The following CLVS1 variants were observed in gnomAD, a reference collection of about 807,000 sequenced individuals.
CLVS1 encodes the protein clavesin-1.
Under a neutral mutation model 33.1 loss-of-function variants are expected in CLVS1, and 10 were observed. The ratio of observed to expected loss-of-function variants is 0.30; its 90% confidence interval spans 0.19 to 0.51. The LOEUF (loss-of-function observed/expected upper bound fraction) is 0.51. Among genes scored for constraint, CLVS1 ranks in the 20% least tolerant of loss-of-function variants. The probability of loss-of-function intolerance (pLI) is 0.97; values close to 1 mark genes in which losing one functional copy is unlikely to be tolerated. For synonymous variants in CLVS1, 163 were observed against 166.1 expected (o/e 0.98, Z 0.14); for missense variants, 343 against 433.4 (o/e 0.79, Z 1.85).
rs1386544162 is a variant in CLVS1, at chr8:61,091,107, G to A, written c.-243+33877G>A. ...GATCTTGCCATGGGAGATTAGCCTGGGTTATCGAGGTGGGCCTGAGGTAAT... is the reference window on the plus strand; with the variant it reads ...GATCTTGCCATGGGAGATTAGCCTGAGTTATCGAGGTGGGCCTGAGGTAAT... On this transcript the variant is annotated intron_variant, in intron 1 of 2. Transcript: ENST00000522621. Among the ~76,000 whole-genome samples the A allele has an allele frequency of 1.3e-5, 2 of 152,166 alleles. 1 individual carries two copies. The highest frequency in any genetic ancestry group is 2.9e-5 in the Non-Finnish European group (2 of 68,024).
chr8:61,285,624 C>T (rs1809760771), upstream of CLVS1, among the ~76,000 whole-genome samples: 1 of 152,158 alleles, frequency 6.6e-6, no homozygotes, highest in Non-Finnish European at 1.5e-5. Flanking sequence ...CACTTCTGTA[C>T]TCCTTTAAAG....
At chr8:61,135,232 A>T (rs939288729) in intron 2 of CLVS1, among the ~76,000 whole-genome samples, 1 of 151,954 alleles carries the variant, frequency 6.6e-6, no homozygotes, top group African/African-American at 2.4e-5. Context: ...GTGACTACAC[A>T]TGGTGGTGGT....
rs892479233 is a variant in CLVS1 at position 61,500,234 on chromosome 8, T to C, written c.*692T>C. ...GAAGACACATGGACGTGAAATACGA[T>C]TATTTCATCTGAGCAATGTGAGTTA... On this transcript the variant is annotated 3_prime_UTR_variant, in exon 6 of 6. Transcript: ENST00000325897. The C allele has an allele frequency of 2.0e-5, 3 of 152,308 alleles. No individual in the cohort carries two copies. The highest frequency in any genetic ancestry group is 6.5e-5 in the Admixed American group (1 of 15,286). The allele number at this position is 152,308 out of a possible 1,614,324, so 9.4% of individuals were successfully genotyped here.
intron 2 of CLVS1, among the ~76,000 whole-genome samples, chr8:61,216,528 G>T (rs1305035898): frequency 6.6e-6 from 1 of 152,190 alleles, no homozygotes; most frequent in Non-Finnish European, 1.5e-5. Context: ...CTGTGCGTTT[G>T]AACAGAGAAG....
chr8:61,099,994 T>A (rs1805420451), intron 1 of CLVS1, among the ~76,000 whole-genome samples: 1 of 152,138 alleles, frequency 6.6e-6, no homozygotes, highest in Admixed American at 6.5e-5. Context: ...AATGCTAGAA[T>A]TAGGGACATT....
chr8:61,131,780 A>T (rs1200588320), exon 2 of CLVS1: 1 of 151,948 alleles, frequency 6.6e-6, no homozygotes, highest in Non-Finnish European at 1.5e-5. Context: ...GGCCTAATCA[A>T]GGGAATGGAA....
At chr8:61,020,096 A>G in the CLVS1 span, among the ~76,000 whole-genome samples, 1 of 152,226 alleles carries the variant, frequency 6.6e-6, no homozygotes, top group African/African-American at 2.4e-5. Context: ...CACTGCCTCT[A>G]TTTGGGAATG....
At chr8:61,311,934 G>A (rs965742271) in intron 2 of CLVS1, among the ~76,000 whole-genome samples, 8 of 152,206 alleles carry the variant, frequency 5.3e-5, no homozygotes, top group African/African-American at 1.7e-4. Context: ...GTAAAAGAGG[G>A]CATGTAGAAA....
At chr8:60,968,205 G>T in the CLVS1 span, among the ~76,000 whole-genome samples, 80,827 of 152,004 alleles carry the variant, frequency 0.53, 21,687 homozygotes, top group South Asian at 0.7. Flanking sequence ...TTGCGGGGCT[G>T]ATAGGTGTGA....
chr8:61,460,382 T>C (rs1414126378), intron 5 of CLVS1, among the ~76,000 whole-genome samples: 2 of 152,170 alleles, frequency 1.3e-5, no homozygotes, highest in Non-Finnish European at 2.9e-5. Flanking sequence ...ATTTAGTTTA[T>C]CCCTAAATAA....
intron 1 of CLVS1, among the ~76,000 whole-genome samples, chr8:61,121,128 C>T (rs1352572795): frequency 6.6e-6 from 1 of 151,710 alleles, no homozygotes; most frequent in Non-Finnish European, 1.5e-5. Flanking sequence ...TGGGAGTGAC[C>T]CGATTTTCCA....
chr8:61,046,248 C>T, the CLVS1 span, among the ~76,000 whole-genome samples: 1 of 147,924 alleles, frequency 6.8e-6, no homozygotes, highest in Admixed American at 6.7e-5. Flanking sequence ...AATAGGGAAT[C>T]CTTTCCCCAT....
the CLVS1 span, among the ~76,000 whole-genome samples, chr8:61,034,707 A>T: frequency 1.3e-5 from 2 of 152,228 alleles, no homozygotes; most frequent in African/African-American, 4.8e-5. Context: ...AACAACTTTG[A>T]GTAAAACTCT....
chr8:61,018,267 G>A, the CLVS1 span, among the ~76,000 whole-genome samples: 81 of 152,302 alleles, frequency 5.3e-4, no homozygotes, highest in African/African-American at 1.5e-3. Flanking sequence ...TCCAAATTTC[G>A]TGTTATTTTC....
At position 61,499,742 on chromosome 8, in the gene CLVS1, T is replaced by C. The variant is rs2445; in HGVS notation, c.*200T>C. 2 of 401,852 alleles carry C rather than the reference T, an allele frequency of 5.0e-6. No individual in the cohort carries two copies. Among genetic ancestry groups the C allele is most frequent in the African/African-American group, 4.0e-5 (2 of 50,378 alleles). The allele number at this position is 401,852 out of a possible 1,614,324, so 24.9% of individuals were successfully genotyped here. ...ACAAAGACTTGAGAGATGCTTTTTT[T>C]TTCCCCCAGTGAGGGGACTGGAGGA... On this transcript the variant is annotated 3_prime_UTR_variant, in exon 6 of 6. Coordinates refer to ENST00000325897, the MANE Select transcript of CLVS1 (RefSeq NM_173519.3).
At chr8:61,341,518 C>T (rs575235768) in intron 2 of CLVS1, among the ~76,000 whole-genome samples, 41 of 152,322 alleles carry the variant, frequency 2.7e-4, no homozygotes, top group African/African-American at 9.1e-4. Flanking sequence ...ATGTCCACTT[C>T]CTCAAACATC....
At chr8:61,378,771 C>G (rs1197472755) in intron 3 of CLVS1, among the ~76,000 whole-genome samples, 2 of 152,224 alleles carry the variant, frequency 1.3e-5, no homozygotes, top group African/African-American at 4.8e-5. Flanking sequence ...CTTAAAACTT[C>G]TCACTTCAGG....
At chr8:61,199,117 AT>A (rs1270098570) in intron 2 of CLVS1, among the ~76,000 whole-genome samples, 1 of 152,152 alleles carries the variant, frequency 6.6e-6, no homozygotes, top group African/African-American at 2.4e-5. Flanking sequence ...TGGTAGGCCT[AT>A]TTTTAGTTCT....
chr8:61,272,021 T>C (rs1809450803), intron 2 of CLVS1, among the ~76,000 whole-genome samples: 1 of 151,750 alleles, frequency 6.6e-6, no homozygotes, highest in Non-Finnish European at 1.5e-5. Flanking sequence ...TATGTGTGAA[T>C]TTGATCCTGT....
Sources: gnomAD v4.1 joint callset for allele counts (sites outside exome capture counted in the v4.1 genomes callset) on GRCh38, gnomAD v4.1.1 for gene constraint, MANE v1.5 for transcripts, NCBI Gene and HGNC (gene_info 2026-07-23, HGNC 2026-07-21) for gene names.